Variants in CFAP54 observed in about 807,000 individuals in gnomAD.
CFAP54 encodes cilia- and flagella-associated protein 54.
In CFAP54, 290 loss-of-function variants were observed where a neutral mutation model predicts 370.4. The ratio of observed to expected loss-of-function variants is 0.78; its 90% CI spans 0.71 to 0.86. The LOEUF is 0.86. CFAP54 is among the 40% of genes least tolerant of loss of function. The probability of loss-of-function intolerance (pLI) is 0.00; values close to 1 mark genes in which losing one functional copy is unlikely to be tolerated. For missense variants in CFAP54, 3,399 were observed against 3,528.7 expected (o/e 0.96, Z 0.93); for synonymous variants, 1,206 against 1,236.5 (o/e 0.98, Z 0.52).
At chr12:96,496,699 G>GAA (rs1954958403) in intron 1 of CFAP54, among the ~76,000 whole-genome samples, 1 of 152,076 alleles carries the variant, frequency 6.6e-6, no homozygotes, top group South Asian at 2.1e-4. Flanking sequence ...GAATTGGGGG[G>GAA]CAGTGGGGGA....
At chr12:96,501,070 A>G in intron 2 of CFAP54, 131 bp downstream of exon 2, 1 of 547,154 alleles carries the variant, frequency 1.8e-6, no homozygotes, top group Admixed American at 3.7e-5. Context: ...TGAGTACATA[A>G]AAATTTTAAT....
intron 39 of CFAP54, among the ~76,000 whole-genome samples, chr12:96,665,692 C>T (rs1957072829): frequency 6.6e-6 from 1 of 152,114 alleles, no homozygotes; most frequent in Non-Finnish European, 1.5e-5. Context: ...CTCTTTTGTA[C>T]CAGCACCATG....
rs1312217778 is a variant in CFAP54 at position 96,679,698 on chromosome 12, A to G, written c.5662A>G (p.Arg1888Gly). The change falls in exon 40 of 68, where the codon AGA becomes GGA. Residue 1888 changes from arginine (R) to glycine (G), a missense_variant. Coordinates refer to ENST00000524981, the MANE Select transcript of CFAP54 (RefSeq NM_001306084.2). ...ACTGGAAAAATCCAAATACCATAAC[A>G]GATCAATCCGACACAGCAGAAAGTT... Reference protein sequence around the residue: ...ETLEKSKYHNRSIRHSRKLLS... With the variant: ...ETLEKSKYHNGSIRHSRKLLS... 5 of 1,613,612 alleles carry G rather than the reference A, an allele frequency of 3.1e-6. No individual in the cohort carries two copies. The highest frequency in any genetic ancestry group is 4.2e-6 in the Non-Finnish European group (5 of 1,179,810).
chr12:96,606,053 G>GA, intron 26 of CFAP54, among the ~76,000 whole-genome samples: 1 of 151,604 alleles, frequency 6.6e-6, no homozygotes. Context: ...TTTAGTGGGG[G>GA]GGTGACAAAA....
chr12:96,758,855 G>A (rs182159133), intron 58 of CFAP54, among the ~76,000 whole-genome samples: 2 of 152,198 alleles, frequency 1.3e-5, no homozygotes, highest in African/African-American at 2.4e-5. Flanking sequence ...CATTTCTAAC[G>A]AGCCTCCCAG....
chr12:96,674,781 G>A (rs1357386349), intron 39 of CFAP54, among the ~76,000 whole-genome samples: 1 of 152,068 alleles, frequency 6.6e-6, no homozygotes, highest in Admixed American at 6.6e-5. Flanking sequence ...TGTCTGTTTT[G>A]TTCACTTGTG....
chr12:96,655,151 A>G (rs867608906), intron 36 of CFAP54, among the ~76,000 whole-genome samples: 2 of 152,070 alleles, frequency 1.3e-5, no homozygotes, highest in African/African-American at 2.4e-5. Context: ...AAATATATCA[A>G]TGGAACAAAT....
chr12:96,539,177 C>T (rs1284729677), intron 13 of CFAP54, among the ~76,000 whole-genome samples: 1 of 150,392 alleles, frequency 6.6e-6, no homozygotes, highest in Admixed American at 6.7e-5. Context: ...TCTCCTGCCT[C>T]AGCTTCTGGA....
At chr12:96,708,565 G>C (rs1464016104) in intron 47 of CFAP54, 43 bp from the exon 48 acceptor site, 1 of 1,502,346 alleles carries the variant, frequency 6.7e-7, no homozygotes, top group Admixed American at 2.0e-5. Context: ...ATCTGAAAAA[G>C]TATTTTTCTA....
At chr12:96,556,953 C>T (rs1461524511) in intron 17 of CFAP54, among the ~76,000 whole-genome samples, 2 of 152,076 alleles carry the variant, frequency 1.3e-5, no homozygotes, top group Non-Finnish European at 2.9e-5. Flanking sequence ...ACTAATGGTA[C>T]TAGGCTTCAT....
chr12:96,568,879 T>A (rs1809965936), intron 19 of CFAP54, among the ~76,000 whole-genome samples: 1 of 151,924 alleles, frequency 6.6e-6, no homozygotes, highest in Non-Finnish European at 1.5e-5. Flanking sequence ...TGATAATAAC[T>A]CATTAGCTTC....
intron 32 of CFAP54, among the ~76,000 whole-genome samples, chr12:96,636,746 G>C (rs1016454011): frequency 2.0e-5 from 3 of 152,128 alleles, no homozygotes; most frequent in African/African-American, 4.8e-5. Flanking sequence ...ACAAGGTCAG[G>C]AGTTTGAGAC....
intron 32 of CFAP54, among the ~76,000 whole-genome samples, chr12:96,637,865 C>A (rs548336075): frequency 6.6e-6 from 1 of 152,214 alleles, no homozygotes; most frequent in South Asian, 2.1e-4. Context: ...ATCACCATAC[C>A]TTTTCCATGT....
intron 50 of CFAP54, among the ~76,000 whole-genome samples, chr12:96,739,659 T>C (rs911903249): frequency 6.6e-6 from 1 of 152,208 alleles, no homozygotes; most frequent in African/African-American, 2.4e-5. Context: ...TCACTCATTT[T>C]CATTTAAAAA....
At chr12:96,496,529 C>T (rs755563701) in intron 1 of CFAP54, among the ~76,000 whole-genome samples, 8 of 152,204 alleles carry the variant, frequency 5.3e-5, no homozygotes, top group Non-Finnish European at 1.2e-4. Flanking sequence ...CAATTTATGA[C>T]CATATCACAA....
chr12:96,771,135 CACTGG>C (rs1240141866), intron 60 of CFAP54, among the ~76,000 whole-genome samples: 1 of 152,182 alleles, frequency 6.6e-6, no homozygotes, highest in Non-Finnish European at 1.5e-5. Context: ...CTGAGGACTT[CACTGG>C]AGAGGAATTC....
chr12:96,563,550 A>G lies in CFAP54; in HGVS notation c.2411-918A>G, dbSNP rs115469161. ...CATTTATAATATCCTTGGTATTGAG[A>G]GAATGATGCACTATTTTCTGCTCTG... On this transcript the variant is annotated intron_variant, in intron 17 of 67. Coordinates refer to ENST00000524981, the MANE Select transcript of CFAP54 (RefSeq NM_001306084.2). 4.5e-3 allele frequency among the ~76,000 whole-genome samples: 693 copies of G among 152,358 alleles called. 7 individuals carry two copies. Among genetic ancestry groups the G allele is most frequent in the African/African-American group, 0.016 (647 of 41,584 alleles).
intron 19 of CFAP54, among the ~76,000 whole-genome samples, chr12:96,575,242 A>C (rs1348067508): frequency 6.6e-6 from 1 of 152,106 alleles, no homozygotes; most frequent in Admixed American, 6.6e-5. Context: ...TTGAGTTATA[A>C]AAATTCTCAG....
chr12:96,529,643 A>T (rs1336154647), intron 9 of CFAP54, among the ~76,000 whole-genome samples: 11 of 152,098 alleles, frequency 7.2e-5, no homozygotes, highest in Non-Finnish European at 1.6e-4. Flanking sequence ...TCACTATTGG[A>T]TATCCTATTT....
Sources: gnomAD v4.1 joint callset for allele counts (sites outside exome capture counted in the v4.1 genomes callset) on GRCh38, gnomAD v4.1.1 for gene constraint, MANE v1.5 for transcripts, NCBI Gene and HGNC (gene_info 2026-07-23, HGNC 2026-07-21) for gene names.